Variants in NOSTRIN observed in about 807,000 individuals in gnomAD.
NOSTRIN encodes the protein nitric oxide synthase trafficking, also known as BM247 homolog.
Under a neutral mutation model 59.0 loss-of-function variants are expected in NOSTRIN, and 63 were observed. The ratio of observed to expected loss-of-function variants is 1.07; its 90% CI spans 0.87 to 1.32. The LOEUF is 1.32. NOSTRIN is among the 40% of genes most tolerant of loss of function. The pLI is 0.00. For missense variants in NOSTRIN, 512 were observed against 473.1 expected (o/e 1.08, Z -0.76); for synonymous variants, 200 against 165.4 (o/e 1.21, Z -1.61).
intron 2 of NOSTRIN, among the ~76,000 whole-genome samples, chr2:168,790,891 G>A (rs573866774): frequency 6.6e-6 from 1 of 152,248 alleles, no homozygotes; most frequent in African/African-American, 2.4e-5. Context: ...CATTAGATTG[G>A]CAACTTATTC....
chr2:168,808,325 C>T (rs1685968884), intron 1 of NOSTRIN, among the ~76,000 whole-genome samples: 1 of 152,150 alleles, frequency 6.6e-6, no homozygotes, highest in Non-Finnish European at 1.5e-5. Flanking sequence ...AGGGCCTTTC[C>T]CTTAGGACAT....
At position 168,852,391 on chromosome 2, in the gene NOSTRIN, T is replaced by C. The variant is rs78754217; in HGVS notation, c.855+987T>C. Among the ~76,000 whole-genome samples, 580 of 152,302 alleles carry C rather than the reference T, an allele frequency of 3.8e-3. 3 individuals carry two copies. The highest frequency in any genetic ancestry group is 0.013 in the African/African-American group (554 of 41,554). ...CCAAGCACGTTGCCCCTTTGCTATA[T>C]TGGGGCAAATTATTTGTCCTTCTGG... On this transcript the variant is annotated intron_variant, in intron 10 of 15. Coordinates refer to ENST00000317647, the MANE Select transcript of NOSTRIN (RefSeq NM_001039724.4).
Position 168,865,046 on chromosome 2 carries a change from C to G in NOSTRIN, c.*76C>G. The G allele has an allele frequency of 6.7e-7, 1 of 1,490,172 alleles. No homozygotes were observed. Among genetic ancestry groups the G allele is most frequent in the Non-Finnish European group, 9.1e-7 (1 of 1,093,326 alleles). The allele number at this position is 1,490,172 out of a possible 1,614,324, so 92.3% of individuals were successfully genotyped here. A position where few individuals can be genotyped will look rare whatever the true frequency, so the allele number is the denominator to read the frequency against. On this transcript the variant is annotated 3_prime_UTR_variant, in exon 16 of 16. Coordinates refer to ENST00000317647, the MANE Select transcript of NOSTRIN (RefSeq NM_001039724.4). ...GTGGTTCAAATAAGAATAAAGTGCTCTTACCTTTACATGTTTTTCTTTTGA... is the reference window on the plus strand; with the variant it reads ...GTGGTTCAAATAAGAATAAAGTGCTGTTACCTTTACATGTTTTTCTTTTGA...
chr2:168,860,281 A>G (rs191632205), intron 13 of NOSTRIN, among the ~76,000 whole-genome samples: 5 of 152,380 alleles, frequency 3.3e-5, no homozygotes, highest in African/African-American at 1.2e-4. Context: ...GCTATAAAGT[A>G]TAGTAATTGT....
At chr2:168,803,286 G>A (rs988927670) in intron 1 of NOSTRIN, among the ~76,000 whole-genome samples, 3 of 152,126 alleles carry the variant, frequency 2.0e-5, no homozygotes, top group African/African-American at 4.8e-5. Context: ...GGTCTCCGGC[G>A]GCAATAGCAG....
intron 12 of NOSTRIN, among the ~76,000 whole-genome samples, chr2:168,857,586 G>A (rs1416286394): frequency 6.6e-6 from 1 of 152,196 alleles, no homozygotes; most frequent in Non-Finnish European, 1.5e-5. Context: ...AAGGGAAAGG[G>A]ATAGTTAACA....
intron 15 of NOSTRIN, chr2:168,863,523 T>G: frequency 1.0e-6 from 1 of 985,386 alleles, no homozygotes; most frequent in Non-Finnish European, 1.2e-6. Context: ...AGAGCCATGT[T>G]TCTTGTCCAA....
intron 2 of NOSTRIN, among the ~76,000 whole-genome samples, chr2:168,788,941 G>GATGATAC (rs1685275644): frequency 6.7e-6 from 1 of 149,232 alleles, no homozygotes; most frequent in East Asian, 2.0e-4. Context: ...ATAGATGATA[G>GATGATAC]ATATTTCATA....
At chr2:168,802,728 T>C (rs1039217337) in intron 1 of NOSTRIN, 55 bp downstream of exon 1, 1 of 852,638 alleles carries the variant, frequency 1.2e-6, no homozygotes, top group Middle Eastern at 2.2e-4. Flanking sequence ...GGAGGGTGGA[T>C]TTGTATATTA....
At chr2:168,845,440 C>T (rs138631446) in intron 8 of NOSTRIN, among the ~76,000 whole-genome samples, 6 of 152,192 alleles carry the variant, frequency 3.9e-5, no homozygotes, top group Non-Finnish European at 8.8e-5. Flanking sequence ...CTACCTACAT[C>T]GCAGCAATGG....
intron 1 of NOSTRIN, among the ~76,000 whole-genome samples, chr2:168,807,901 A>G (rs1215319015): frequency 2.0e-5 from 3 of 152,242 alleles, no homozygotes; most frequent in Admixed American, 1.3e-4. Flanking sequence ...CTGGTAGCCC[A>G]TGGGTCAATG....
chr2:168,837,747 T>G (rs1468448097), intron 7 of NOSTRIN, among the ~76,000 whole-genome samples: 2 of 152,212 alleles, frequency 1.3e-5, no homozygotes, highest in African/African-American at 4.8e-5. Context: ...CAATGTCTTC[T>G]CATTGCTAAA....
At chr2:168,794,091 C>G (rs1362884891), upstream of NOSTRIN, among the ~76,000 whole-genome samples, 1 of 152,208 alleles carries the variant, frequency 6.6e-6, no homozygotes, top group Non-Finnish European at 1.5e-5. Flanking sequence ...CTTCATCAAA[C>G]TGCTGTCCTT....
intron 7 of NOSTRIN, among the ~76,000 whole-genome samples, 184 bp downstream of exon 7, chr2:168,834,509 A>ACACACACG (rs1553527222): frequency 0.023 from 972 of 41,702 alleles, 15 homozygotes; most frequent in African/African-American, 0.038. Flanking sequence ...GCGCGCGCGC[A>ACACACACG]CACACACACA....
At chr2:168,857,543 G>T (rs966226083) in intron 12 of NOSTRIN, among the ~76,000 whole-genome samples, 4 of 152,290 alleles carry the variant, frequency 2.6e-5, no homozygotes, top group Admixed American at 2.0e-4. Context: ...AGACATTCGT[G>T]GGGATTGATG....
At chr2:168,857,000 G>A (rs1202223380) in intron 12 of NOSTRIN, among the ~76,000 whole-genome samples, 7 of 152,120 alleles carry the variant, frequency 4.6e-5, no homozygotes, top group Non-Finnish European at 2.9e-5. Context: ...AAAGAATTGT[G>A]TCTAAAATAG....
intron 12 of NOSTRIN, 138 bp from the exon 13 acceptor site, chr2:168,859,374 C>A (rs1689303582): frequency 7.5e-7 from 1 of 1,328,724 alleles, no homozygotes; most frequent in Non-Finnish European, 1.0e-6. Context: ...TTTCCTTCGG[C>A]ATTTTCTGTG....
intron 2 of NOSTRIN, among the ~76,000 whole-genome samples, chr2:168,791,706 T>A (rs1685357911): frequency 1.3e-5 from 2 of 151,720 alleles, no homozygotes; most frequent in Non-Finnish European, 2.9e-5. Flanking sequence ...AGATGGTATC[T>A]CATTGTGGTT....
upstream of NOSTRIN, among the ~76,000 whole-genome samples, chr2:168,799,257 T>C (rs189260997): frequency 1.3e-5 from 2 of 152,210 alleles, no homozygotes; most frequent in Non-Finnish European, 2.9e-5. Flanking sequence ...GCTCTACTTA[T>C]ATTAAGTTGG....
Sources: gnomAD v4.1 joint callset for allele counts (sites outside exome capture counted in the v4.1 genomes callset) on GRCh38, gnomAD v4.1.1 for gene constraint, MANE v1.5 for transcripts, NCBI Gene and HGNC (gene_info 2026-07-23, HGNC 2026-07-21) for gene names.